TMEM86B: variants seen among roughly 807,000 people sequenced by gnomAD.
The protein encoded by TMEM86B is transmembrane protein 86B, also known as lysoplasmalogenase TMEM86B.
Under a neutral mutation model 12.3 loss-of-function variants are expected in TMEM86B, and 15 were observed. The ratio of observed to expected loss-of-function variants is 1.22; its 90% CI spans 0.81 to 1.87. The LOEUF is 1.87. TMEM86B is among the 40% of genes most tolerant of loss of function. TMEM86B has a pLI of 0.00. For synonymous variants in TMEM86B, 173 were observed against 140.3 expected, an observed-to-expected ratio of 1.23 and a Z score of -1.65; for missense variants, 328 against 297.4, an observed-to-expected ratio of 1.10 and a Z score of -0.76.
intron 1 of TMEM86B, 96 bp from the exon 2 acceptor site, chr19:55,228,533 C>T: frequency 6.4e-7 from 1 of 1,552,670 alleles, no homozygotes; most frequent in Middle Eastern, 1.9e-4. Flanking sequence ...CACCTGGGAC[C>T]CCAGCTGTAC....
chr19:55,228,232 A>G lies in TMEM86B; in HGVS notation c.257T>C (p.Val86Ala), dbSNP rs774874363. ...LLQGALVCSA[V>A]GDACLIWPAA... ...CGGCCAGATGAGGCAAGCGTCCCCC[A>G]CAGCCGAGCACACAAGGGCTCCCTG... Residue 86 changes from valine (V) to alanine (A), a missense_variant, in exon 2 of 3, where the codon GTG becomes GCG. Coordinates refer to ENST00000327042, the MANE Select transcript of TMEM86B (RefSeq NM_173804.5). 6.2e-7 allele frequency: 1 copy of G among 1,612,086 alleles called. No individual in the cohort carries two copies. The highest frequency in any genetic ancestry group is 2.2e-5 in the East Asian group (1 of 44,856).
Position 55,227,200 on chromosome 19 carries a change from G to A in TMEM86B, c.662C>T (p.Pro221Leu), listed in dbSNP as rs140752855. The change falls in exon 3 of 3, where the codon CCG becomes CTG. Residue 221 changes from proline (P) to leucine (L), a missense_variant. Transcript: ENST00000327042. Reference sequence around the variant, plus strand: ...CCCTAGTCAGTCAGTCTTGGGCACCGGGCTCCTGAGGGCTGACAGTGTGAT... The same window carrying A: ...CCCTAGTCAGTCAGTCTTGGGCACCAGGCTCCTGAGGGCTGACAGTGTGAT... ...LLITLSALRS[P>L]VPKTD is the part of the protein sequence containing the mutation. 1,183 of 1,526,546 alleles carry A rather than the reference G, an allele frequency of 7.7e-4. 3 individuals carry two copies. The highest frequency in any genetic ancestry group is 2.4e-3 in the African/African-American group (173 of 73,232). The allele number at this position is 1,526,546 out of a possible 1,614,324, so 94.6% of individuals were successfully genotyped here.
chr19:55,228,402 G>A lies in TMEM86B; in HGVS notation c.87C>T (p.Ile29=). ...PDVCRWLSPF[I]LSCCVYFCLW... ...GGCAGAAGTACACGCAGCAGGAGAG[G>A]ATGAAGGGGCTCAGCCACCTGCAGA... is the stretch of plus-strand genomic sequence containing the variant. The change falls in exon 2 of 3, where the codon ATC becomes ATT. Residue 29 remains isoleucine (I), a synonymous_variant. Coordinates refer to ENST00000327042, the MANE Select transcript of TMEM86B (RefSeq NM_173804.5). 6.2e-7 allele frequency: 1 copy of A among 1,613,502 alleles called. No homozygotes were observed. The highest frequency in any genetic ancestry group is 8.5e-7 in the Non-Finnish European group (1 of 1,180,012).
In TMEM86B at chr19:55,228,540, G is replaced by GT. The variant is rs1568940750; in HGVS notation, c.52-104dup. On this transcript the variant is annotated intron_variant, in intron 1 of 2. Coordinates refer to ENST00000327042, the MANE Select transcript of TMEM86B (RefSeq NM_173804.5). ...CCCACCCCCACCTGGGACCCCAGCT[G>GT]TACAGGCTGGACCCATTCAGGGACC... 1.9e-6 allele frequency: 3 copies of GT among 1,545,110 alleles called. No homozygotes were observed. The African/African-American group carries it at 4.1e-5, about 21-fold the overall frequency.
rs1278668076 is a variant in TMEM86B, at chr19:55,226,982, G to T, written c.*199C>A. The stretch of plus-strand genomic sequence containing the variant: ...CTGGAGTCAGAACCGGGGGAAGGCA[G>T]CTGGAACCCAGTAGTGGACTTGGAA... On this transcript the variant is annotated 3_prime_UTR_variant, in exon 3 of 3. Transcript: ENST00000327042. 9.6e-6 allele frequency: 5 copies of T among 522,280 alleles called. No individual in the cohort carries two copies. The highest frequency in any genetic ancestry group is 6.0e-6 in the Non-Finnish European group (2 of 332,446). The allele number at this position is 522,280 out of a possible 1,614,324, so 32.4% of individuals were successfully genotyped here.
At chr19:55,228,526 C>T (rs1478139875) in intron 1 of TMEM86B, 89 bp from the exon 2 acceptor site, 1 of 1,562,614 alleles carries the variant, frequency 6.4e-7, no homozygotes, top group African/African-American at 1.4e-5. Context: ...CCACCCCCAC[C>T]TGGGACCCCA....
chr19:55,227,808 C>T, intron 2 of TMEM86B: 1 of 618,958 alleles, frequency 1.6e-6, no homozygotes, highest in Non-Finnish European at 2.7e-6. Context: ...CTGCGCCAGC[C>T]ACCCTGGCCT....
intron 2 of TMEM86B, chr19:55,227,865 C>T: frequency 1.7e-6 from 1 of 587,310 alleles, no homozygotes; most frequent in East Asian, 2.9e-5. Flanking sequence ...AGCCTTTACA[C>T]TCGCCCTTCC....
rs755163968 is a variant in TMEM86B at position 55,228,344 on chromosome 19, C to T, written c.145G>A (p.Ala49Thr). 7.4e-6 allele frequency: 12 copies of T among 1,613,664 alleles called. No homozygotes were observed. The highest frequency in any genetic ancestry group is 3.3e-5 in the Admixed American group (2 of 59,984). ...ACGGGCAGGCACTTGACCAGGGCAG[C>T]GAACCAGGACAGCTGGTCCTCGGGA... ...WIPEDQLSWF[A>T]ALVKCLPVLC... Residue 49 changes from alanine to threonine, a missense_variant, in exon 2 of 3, where the codon GCT (alanine) becomes ACT (threonine). Transcript: ENST00000327042.
rs2087302835 is a variant in TMEM86B, at chr19:55,228,255, CTGGAGGAGCTGGG to C, written c.221_233del (p.Thr74ArgfsTer79). The C allele has an allele frequency of 6.2e-7, 1 of 1,612,580 alleles. No homozygotes were observed. The highest frequency in any genetic ancestry group is 8.5e-7 in the Non-Finnish European group (1 of 1,179,652). On this transcript the variant is annotated frameshift_variant, in exon 2 of 3. Transcript: ENST00000327042. LOFTEE classifies it high-confidence loss of function. The stretch of plus-strand genomic sequence containing the variant: ...CCACAGCCGAGCACACAAGGGCTCC[CTGGAGGAGCTGGG>C]TGTAGCCCCCGCTTGGGGACATGAC...
chr19:55,228,348 C>T lies in TMEM86B; in HGVS notation c.141G>A (p.Trp47Ter), dbSNP rs748282677. 3 of 1,613,822 alleles carry T rather than the reference C, an allele frequency of 1.9e-6. No homozygotes were observed. The highest frequency in any genetic ancestry group is 2.5e-6 in the Non-Finnish European group (3 of 1,179,994). Reference protein sequence around the residue: ...CLWIPEDQLSWFAALVKCLPV... With the variant: ...CLWIPEDQLS ...GCAGGCACTTGACCAGGGCAGCGAA[C>T]CAGGACAGCTGGTCCTCGGGAATCC... Residue 47 changes from tryptophan (W) to a stop codon, truncating the protein, a stop_gained, in exon 2 of 3, where the codon TGG becomes TGA. Transcript: ENST00000327042. LOFTEE classifies it high-confidence loss of function.
chr19:55,227,435 G>C lies in TMEM86B; in HGVS notation c.427C>G (p.Leu143Val). The change falls in exon 3 of 3, where the codon CTC becomes GTC. Residue 143 changes from leucine (L) to valine (V), a missense_variant. Leu to Val is a conservative substitution (Grantham distance 32, BLOSUM62 1). Coordinates refer to ENST00000327042, the MANE Select transcript of TMEM86B (RefSeq NM_173804.5). ...ACCGGCAGGACCATATCCGGCTCGA[G>C]GTGCTGGAGCACAAGGCTGAGGTAG... Reference protein sequence around the residue: ...GPYLSLVLQHLEPDMVLPVAA... With the variant: ...GPYLSLVLQHVEPDMVLPVAA... 1.3e-6 allele frequency: 2 copies of C among 1,566,794 alleles called. No homozygotes were observed. The highest frequency in any genetic ancestry group is 1.7e-6 in the Non-Finnish European group (2 of 1,155,682).
In TMEM86B at chr19:55,227,516, C is replaced by T. The variant is rs749232097; in HGVS notation, c.346G>A (p.Gly116Ser). The T allele has an allele frequency of 1.4e-5, 22 of 1,548,834 alleles. No homozygotes were observed. The highest frequency in any genetic ancestry group is 2.7e-5 in the African/African-American group (2 of 73,016). The change falls in exon 3 of 3, where the codon GGC becomes AGC. Residue 116 changes from glycine to serine, a missense_variant. By Grantham distance (56) the Gly-to-Ser change is moderately conservative (BLOSUM62 0). Coordinates refer to ENST00000327042, the MANE Select transcript of TMEM86B (RefSeq NM_173804.5). ...TAHLLYVWAF[G>S]FSPLQPGLLL... ...AGGCCGGGCTGCAGGGGAGAGAAGCCGAAGGCCCAGACGTAGAGGAGGTGG... is the reference window on the plus strand; with the variant it reads ...AGGCCGGGCTGCAGGGGAGAGAAGCTGAAGGCCCAGACGTAGAGGAGGTGG...
rs2087293821 is a variant in TMEM86B, at chr19:55,227,478, G to A, written c.384C>T (p.Ile128=). Residue 128 remains isoleucine, a synonymous_variant, in exon 3 of 3, where the codon ATC becomes ATT. Transcript: ENST00000327042. ...TGAGGTAGGGGCCAGGGGCCAGGAT[G>A]ATGAGCAGCAGCAGGCCGGGCTGCA... is the stretch of plus-strand genomic sequence containing the variant. The part of the protein sequence containing the change: ...SPLQPGLLLL[I]ILAPGPYLSL... 1 of 1,554,062 alleles carries A rather than the reference G, an allele frequency of 6.4e-7. No individual in the cohort carries two copies. The highest frequency in any genetic ancestry group is 8.7e-7 in the Non-Finnish European group (1 of 1,148,412).
intron 2 of TMEM86B, 91 bp from the exon 3 acceptor site, chr19:55,227,654 C>T (rs1409723629): frequency 7.1e-7 from 1 of 1,416,714 alleles, no homozygotes; most frequent in Admixed American, 2.8e-5. Context: ...AAGGACCATC[C>T]CAGAGCACCA....
chr19:55,228,461 A>G, intron 1 of TMEM86B, 24 bp from the exon 2 acceptor site: 1 of 1,607,674 alleles, frequency 6.2e-7, no homozygotes, highest in Non-Finnish European at 8.5e-7. Context: ...GGAGCTACTG[A>G]GCCGAAACCC....
At chr19:55,228,487 C>A in intron 1 of TMEM86B, 50 bp from the exon 2 acceptor site, 1 of 1,600,322 alleles carries the variant, frequency 6.2e-7, no homozygotes, top group Non-Finnish European at 8.5e-7. Flanking sequence ...AGCCCCCATT[C>A]TTGGGACTCA....
chr19:55,227,310 G>C lies in TMEM86B; in HGVS notation c.552C>G (p.Gly184=). The C allele has an allele frequency of 4.3e-6, 7 of 1,609,450 alleles. No homozygotes were observed. The highest frequency in any genetic ancestry group is 5.1e-6 in the Non-Finnish European group (6 of 1,177,754). ...GGGCGAAGGTGTCCCAGGCCAGCAC[G>C]CCATCAGAGAGCGTGAAGAGCAGCG... The part of the protein sequence containing the change: ...WGALLFTLSD[G]VLAWDTFAQP... Residue 184 remains glycine, a synonymous_variant, in exon 3 of 3, where the codon GGC becomes GGG. Coordinates refer to ENST00000327042, the MANE Select transcript of TMEM86B (RefSeq NM_173804.5).
Position 55,228,682 on chromosome 19 carries a change from G to C in TMEM86B, c.51+9C>G, listed in dbSNP as rs552802117. 5 of 1,611,718 alleles carry C rather than the reference G, an allele frequency of 3.1e-6. No homozygotes were observed. Among genetic ancestry groups the C allele is most frequent in the Non-Finnish European group, 4.2e-6 (5 of 1,178,916 alleles). On this transcript the variant is annotated intron_variant, in intron 1 of 2. Coordinates refer to ENST00000327042, the MANE Select transcript of TMEM86B (RefSeq NM_173804.5). ...CCCCAGCCCCAGGCACAGCTCAGAAGGCTCTCACCTGGGCTGAGCAGTGAG... is the reference window on the plus strand; with the variant it reads ...CCCCAGCCCCAGGCACAGCTCAGAACGCTCTCACCTGGGCTGAGCAGTGAG...
Sources: gnomAD v4.1 joint callset for allele counts on GRCh38, gnomAD v4.1.1 for gene constraint, MANE v1.5 for transcripts, NCBI Gene and HGNC (gene_info 2026-07-23, HGNC 2026-07-21) for gene names.